Variants in NAPEPLD observed in about 807,000 individuals in gnomAD.
NAPEPLD encodes the protein N-acyl-phosphatidylethanolamine-hydrolyzing phospholipase D.
In NAPEPLD, 23 loss-of-function variants were observed where a neutral mutation model predicts 38.1. The ratio of observed to expected loss-of-function variants is 0.60; its 90% CI spans 0.43 to 0.86. The LOEUF is 0.86. Ranked by LOEUF, NAPEPLD falls within the 40% of genes least tolerant of loss-of-function variation. The probability of loss-of-function intolerance (pLI) is 0.00; values close to 1 mark genes in which losing one functional copy is unlikely to be tolerated. For synonymous variants in NAPEPLD, 147 were observed against 162.0 expected, an observed-to-expected ratio of 0.91 and a Z score of 0.71; for missense variants, 411 against 476.8, an observed-to-expected ratio of 0.86 and a Z score of 1.28.
chr7:103,127,526 T>C (rs537199681), intron 2 of NAPEPLD: 4 of 152,136 alleles, frequency 2.6e-5, no homozygotes, highest in African/African-American at 7.2e-5. Context: ...AGGGTGACCA[T>C]AGAAGACACA....
intron 4 of NAPEPLD, among the ~76,000 whole-genome samples, chr7:103,111,063 G>A (rs1804425736): frequency 6.6e-6 from 1 of 152,124 alleles, no homozygotes; most frequent in Admixed American, 6.5e-5. Flanking sequence ...GGATGTGAAG[G>A]ACCTCTTCAG....
Position 103,115,028 on chromosome 7 carries a change from C to T in NAPEPLD, c.1056+32G>A, listed in dbSNP as rs1346553015. The T allele has an allele frequency of 6.5e-6, 10 of 1,539,240 alleles. No homozygotes were observed. The Admixed American group carries it at 1.2e-4, about 18-fold the overall frequency. On this transcript the variant is annotated intron_variant, in intron 4 of 4. Transcript: ENST00000465647. The stretch of plus-strand genomic sequence containing the variant: ...CCTGAATCCTATCATTGGTCAAACA[C>T]ACAAAGTTATTTTTATCGCAATCAA...
At position 103,138,068 on chromosome 7, in the gene NAPEPLD, C is replaced by G. The variant is rs1290359656; in HGVS notation, c.-16-9276G>C. On this transcript the variant is annotated intron_variant, in intron 1 of 4. Coordinates refer to ENST00000465647, the MANE Select transcript of NAPEPLD (RefSeq NM_001122838.3). Reference sequence around the variant, plus strand: ...TCTCGGCTCACTGCAACCTCCATCTCCCAGGTTCAACCGATTCTCGTGCCT... The same window carrying G: ...TCTCGGCTCACTGCAACCTCCATCTGCCAGGTTCAACCGATTCTCGTGCCT... 6.0e-5 allele frequency among the ~76,000 whole-genome samples: 9 copies of G among 150,880 alleles called. No homozygotes were observed. In the East Asian group the frequency reaches 1.6e-3, roughly 26 times the overall value.
At chr7:103,112,266 G>A (rs1040752165) in intron 4 of NAPEPLD, among the ~76,000 whole-genome samples, 7 of 152,116 alleles carry the variant, frequency 4.6e-5, no homozygotes, top group African/African-American at 1.7e-4. Context: ...TATACCCAGA[G>A]GATTATAAAT....
chr7:103,139,593 G>C (rs1810794863), intron 1 of NAPEPLD, among the ~76,000 whole-genome samples: 1 of 152,222 alleles, frequency 6.6e-6, no homozygotes, highest in Non-Finnish European at 1.5e-5. Flanking sequence ...AAAGGGCGCT[G>C]ATGGCAACAG....
At chr7:103,128,449 C>A (rs1229274887) in intron 2 of NAPEPLD, 34 bp downstream of exon 2, 3 of 1,606,054 alleles carry the variant, frequency 1.9e-6, no homozygotes, top group East Asian at 4.5e-5. Flanking sequence ...ATATGAAGAG[C>A]AAATATAAAG....
chr7:103,124,807 T>A (rs1444573203), intron 2 of NAPEPLD, among the ~76,000 whole-genome samples: 1 of 152,118 alleles, frequency 6.6e-6, no homozygotes, highest in African/African-American at 2.4e-5. Context: ...CAGACTGGGG[T>A]CACTAAGAAA....
intron 2 of NAPEPLD, among the ~76,000 whole-genome samples, chr7:103,125,542 A>G (rs930405729): frequency 2.0e-5 from 3 of 152,176 alleles, no homozygotes; most frequent in Non-Finnish European, 4.4e-5. Context: ...GTATATGGTG[A>G]CATTTTCAGT....
Position 103,103,396 on chromosome 7 carries a change from C to A in NAPEPLD, c.*33G>T. 6.6e-7 allele frequency: 1 copy of A among 1,511,960 alleles called. No homozygotes were observed. The highest frequency in any genetic ancestry group is 8.8e-7 in the Non-Finnish European group (1 of 1,133,604). 93.7% of individuals were successfully genotyped at this position (1,511,960 alleles called of 1,614,324 possible). ...ATTTGTTTTTAAACTTAGATGATGC[C>A]TTTTTCATTAAAAGTGCCTGTGCTC... On this transcript the variant is annotated 3_prime_UTR_variant, in exon 5 of 5. Coordinates refer to ENST00000465647, the MANE Select transcript of NAPEPLD (RefSeq NM_001122838.3).
At position 103,119,976 on chromosome 7, in the gene NAPEPLD, A is replaced by G. The variant is rs1806304966; in HGVS notation, c.542T>C (p.Val181Ala). The change falls in exon 3 of 5, where the codon GTC becomes GCC. Residue 181 changes from valine to alanine, a missense_variant. Val to Ala is a moderately conservative substitution (Grantham distance 64). Coordinates refer to ENST00000465647, the MANE Select transcript of NAPEPLD (RefSeq NM_001122838.3). ...GTCATAGTGGTTGTGACTGATAAGG[A>G]CCGCATCTATTGGAGGGAGTTCACT... ...TISELPPIDA[V>A]LISHNHYDHL... 6.2e-7 allele frequency: 1 copy of G among 1,614,106 alleles called. No individual in the cohort carries two copies. Among genetic ancestry groups the G allele is most frequent in the African/African-American group, 1.3e-5 (1 of 74,938 alleles).
chr7:103,126,222 C>T (rs1325640713), intron 2 of NAPEPLD, among the ~76,000 whole-genome samples: 1 of 152,148 alleles, frequency 6.6e-6, no homozygotes, highest in Non-Finnish European at 1.5e-5. Context: ...TTTAGGAAAT[C>T]AGGTCTGCCT....
At chr7:103,141,260 TTTTTTGC>T in intron 1 of NAPEPLD, 1 of 252,804 alleles carries the variant, frequency 4.0e-6, no homozygotes, top group Non-Finnish European at 7.5e-6. Context: ...TTTTTTTTTT[TTTTTTGC>T]AAGCAGATAA....
In NAPEPLD at chr7:103,111,159, A is replaced by C. The variant is rs569392740; in HGVS notation, c.1056+3901T>G. Among the ~76,000 whole-genome samples the C allele has an allele frequency of 3.3e-5, 5 of 152,346 alleles. 1 individual carries two copies. The highest frequency in any genetic ancestry group is 1.2e-4 in the African/African-American group (5 of 41,586). Reference sequence around the variant, plus strand: ...TCCATGCTCATGGATAGGAAGAATCAATATTGTGAAAATGCTCATACTGCC... The same window carrying C: ...TCCATGCTCATGGATAGGAAGAATCCATATTGTGAAAATGCTCATACTGCC... On this transcript the variant is annotated intron_variant, in intron 4 of 4. Transcript: ENST00000465647.
upstream of NAPEPLD, among the ~76,000 whole-genome samples, chr7:103,149,973 G>C (rs1813368444): frequency 6.6e-6 from 1 of 152,188 alleles, no homozygotes; most frequent in Non-Finnish European, 1.5e-5. Context: ...ATTGTTCACT[G>C]TGTGATCGTT....
At chr7:103,145,993 G>GCACA (rs1047041264) in intron 1 of NAPEPLD, among the ~76,000 whole-genome samples, 1 of 151,476 alleles carries the variant, frequency 6.6e-6, no homozygotes, top group Non-Finnish European at 1.5e-5. Context: ...ACACACGCAC[G>GCACA]CACACACATA....
chr7:103,126,599 A>ATT (rs57753879), intron 2 of NAPEPLD, among the ~76,000 whole-genome samples: 35 of 151,188 alleles, frequency 2.3e-4, no homozygotes, highest in East Asian at 3.9e-4. Context: ...TCAGAATGCA[A>ATT]TTTTTTTTGT....
At chr7:103,146,993 C>T (rs1477757953) in intron 1 of NAPEPLD, among the ~76,000 whole-genome samples, 3 of 152,142 alleles carry the variant, frequency 2.0e-5, no homozygotes, top group Admixed American at 1.3e-4. Flanking sequence ...AGTTATAATA[C>T]ATTATTTAAC....
At chr7:103,141,612 G>A (rs1043616247) in intron 1 of NAPEPLD, 13 of 916,482 alleles carry the variant, frequency 1.4e-5, no homozygotes, top group East Asian at 7.2e-5. Flanking sequence ...TTAGATTCAC[G>A]GTATCTTCTG....
chr7:103,100,091 C>T lies in NAPEPLD; in HGVS notation c.*3338G>A, dbSNP rs955948301. 1 of 152,084 alleles carries T rather than the reference C, an allele frequency of 6.6e-6. No individual in the cohort carries two copies. The highest frequency in any genetic ancestry group is 1.5e-5 in the Non-Finnish European group (1 of 68,004). The allele number at this position is 152,084 out of a possible 1,614,324, so 9.4% of individuals were successfully genotyped here. ...CCTCAAACAGAAATATGTGTGTTCT[C>T]AATGTTACCCTGATACAGAAATCAA... is the stretch of plus-strand genomic sequence containing the variant. On this transcript the variant is annotated 3_prime_UTR_variant, in exon 5 of 5. Coordinates refer to ENST00000465647, the MANE Select transcript of NAPEPLD (RefSeq NM_001122838.3).
Sources: allele counts gnomAD v4.1 joint callset (sites outside exome capture counted in the v4.1 genomes callset), GRCh38; gene constraint gnomAD v4.1.1; transcripts MANE v1.5; gene names NCBI Gene and HGNC (gene_info 2026-07-23, HGNC 2026-07-21).